HDHD2: variants seen among roughly 807,000 people sequenced by gnomAD.
HDHD2 encodes haloacid dehalogenase like hydrolase domain containing 2.
Under a neutral mutation model 24.8 loss-of-function variants are expected in HDHD2, and 26 were observed. The ratio of observed to expected loss-of-function variants is 1.05; its 90% CI spans 0.77 to 1.45. The LOEUF (loss-of-function observed/expected upper bound fraction) is 1.45. Ranked by LOEUF, HDHD2 falls within the 40% of genes most tolerant of loss-of-function variation. The probability of loss-of-function intolerance (pLI) is 0.00; values close to 1 mark genes in which losing one functional copy is unlikely to be tolerated. For synonymous variants in HDHD2, 128 were observed against 114.9 expected, an observed-to-expected ratio of 1.11 and a Z score of -0.73; for missense variants, 299 against 313.4, an observed-to-expected ratio of 0.95 and a Z score of 0.35.
intron 3 of HDHD2, 196 bp downstream of exon 3, chr18:47,134,300 A>G (rs2063742133): frequency 1.0e-5 from 6 of 597,504 alleles, no homozygotes; most frequent in African/African-American, 1.9e-5. Flanking sequence ...GTTACTATGT[A>G]ATGTGTTTCA....
At chr18:47,143,594 C>T (rs1488836298) in intron 1 of HDHD2, among the ~76,000 whole-genome samples, 2 of 152,112 alleles carry the variant, frequency 1.3e-5, no homozygotes, top group African/African-American at 4.8e-5. Context: ...TTTCAAATAA[C>T]TATTACTCAA....
At chr18:47,117,650 G>GAAAATTCAGATTT (rs1214269299) in intron 4 of HDHD2, among the ~76,000 whole-genome samples, 1 of 152,146 alleles carries the variant, frequency 6.6e-6, no homozygotes, top group Non-Finnish European at 1.5e-5. Flanking sequence ...GAGATAATAT[G>GAAAATTCAGATTT]TCAGCAGAAA....
chr18:47,113,315 A>G (rs1368733514), intron 5 of HDHD2, among the ~76,000 whole-genome samples: 1 of 152,264 alleles, frequency 6.6e-6, no homozygotes, highest in African/African-American at 2.4e-5. Flanking sequence ...ACAATTCTCT[A>G]TGCTTTGCCA....
chr18:47,128,380 G>C (rs1015606743), intron 4 of HDHD2, among the ~76,000 whole-genome samples: 14 of 152,150 alleles, frequency 9.2e-5, no homozygotes, highest in African/African-American at 3.4e-4. Flanking sequence ...GTGAAAAGTA[G>C]TAGAAGTAAA....
Position 47,146,127 on chromosome 18 carries a change from G to T in HDHD2, c.-11+4251C>A, listed in dbSNP as rs140207099. ...ACCTGTAATCCCAGCTACTCGGGAG[G>T]CTGAGGAAGGAGAATCGCTTAAACC... On this transcript the variant is annotated intron_variant, in intron 1 of 6. Transcript: ENST00000300605. Among the ~76,000 whole-genome samples the T allele has an allele frequency of 1.1e-3, 168 of 151,852 alleles. No homozygotes were observed. In the Middle Eastern group the frequency reaches 0.017, roughly 15 times the overall value.
intron 1 of HDHD2, among the ~76,000 whole-genome samples, chr18:47,138,091 G>A (rs2063783859): frequency 7.4e-6 from 1 of 134,498 alleles, no homozygotes; most frequent in Admixed American, 8.6e-5. Context: ...AGAATCACTT[G>A]AACCCGGGAA....
intron 6 of HDHD2, chr18:47,110,052 G>C: frequency 1.0e-6 from 1 of 985,380 alleles, no homozygotes; most frequent in Non-Finnish European, 1.2e-6. Flanking sequence ...CTTTCTCCTT[G>C]CTCTCTCATC....
intron 1 of HDHD2, chr18:47,137,024 A>G (rs2063773272): frequency 1.5e-6 from 1 of 685,888 alleles, no homozygotes; most frequent in Non-Finnish European, 2.7e-6. Flanking sequence ...CACCATGGCC[A>G]ACAAAAAGCC....
intron 4 of HDHD2, among the ~76,000 whole-genome samples, chr18:47,124,935 C>G (rs1331193548): frequency 2.0e-5 from 3 of 152,018 alleles, no homozygotes; most frequent in African/African-American, 7.2e-5. Flanking sequence ...GAGACTAGGG[C>G]ACAATGATCA....
chr18:47,129,810 C>A (rs1319565370), intron 4 of HDHD2, among the ~76,000 whole-genome samples: 3 of 152,146 alleles, frequency 2.0e-5, no homozygotes, highest in Admixed American at 2.0e-4. Flanking sequence ...TGCTGGCACA[C>A]GCCTGTAATT....
chr18:47,141,991 C>A (rs1327869466), intron 1 of HDHD2, among the ~76,000 whole-genome samples: 1 of 152,142 alleles, frequency 6.6e-6, no homozygotes, highest in Non-Finnish European at 1.5e-5. Context: ...AAGAGCAGTT[C>A]CCCACACATG....
chr18:47,137,279 C>T, intron 1 of HDHD2: 1 of 488,616 alleles, frequency 2.0e-6, no homozygotes, highest in South Asian at 2.0e-5. Context: ...GGATGTGTTC[C>T]AGTAGCAGAC....
At chr18:47,142,134 G>T (rs1161295989) in intron 1 of HDHD2, among the ~76,000 whole-genome samples, 4 of 152,036 alleles carry the variant, frequency 2.6e-5, no homozygotes, top group Admixed American at 2.6e-4. Flanking sequence ...CGCAGTCTTG[G>T]GTATGTCCTT....
chr18:47,110,754 G>C, intron 6 of HDHD2: 1 of 985,186 alleles, frequency 1.0e-6, no homozygotes, highest in Non-Finnish European at 1.2e-6. Flanking sequence ...GATGAATGGA[G>C]GGAGAAAACA....
intron 4 of HDHD2, among the ~76,000 whole-genome samples, chr18:47,116,246 C>T (rs1023709597): frequency 3.9e-5 from 6 of 152,118 alleles, no homozygotes; most frequent in Non-Finnish European, 8.8e-5. Context: ...TAATAGCATG[C>T]GGGACATGAT....
chr18:47,110,719 C>G (rs2063509201), intron 6 of HDHD2: 1 of 985,258 alleles, frequency 1.0e-6, no homozygotes, highest in South Asian at 4.7e-5. Context: ...ACTGCAGCAG[C>G]CTGTGCTTTC....
intron 6 of HDHD2, 45 bp from the exon 7 acceptor site, chr18:47,108,830 G>T: frequency 2.5e-6 from 3 of 1,208,650 alleles, no homozygotes; most frequent in Non-Finnish European, 2.5e-6. Flanking sequence ...CCACCAGAAT[G>T]CTAAATTAAT....
chr18:47,138,293 C>T (rs1246737729), intron 1 of HDHD2, among the ~76,000 whole-genome samples: 1 of 151,166 alleles, frequency 6.6e-6, no homozygotes, highest in Non-Finnish European at 1.5e-5. Flanking sequence ...ACATCATGTG[C>T]TTCCTGAGAG....
intron 4 of HDHD2, among the ~76,000 whole-genome samples, chr18:47,115,653 A>G (rs890814609): frequency 1.3e-5 from 2 of 152,124 alleles, no homozygotes; most frequent in African/African-American, 4.8e-5. Flanking sequence ...AAGCTAAATA[A>G]GACACTCCAG....
Sources: allele counts gnomAD v4.1 joint callset (sites outside exome capture counted in the v4.1 genomes callset), GRCh38; gene constraint gnomAD v4.1.1; transcripts MANE v1.5; gene names NCBI Gene and HGNC (gene_info 2026-07-23, HGNC 2026-07-21).